Variants in DMD observed in about 807,000 individuals in gnomAD.
DMD encodes dystrophin.
DMD carries 63 observed loss-of-function variants against 330.1 expected under a neutral mutation model. The ratio of observed to expected loss-of-function variants is 0.19; its 90% CI spans 0.16 to 0.24. The LOEUF (loss-of-function observed/expected upper bound fraction) is 0.24, where lower values mean the gene tolerates loss of function less well. Among genes scored for constraint, DMD ranks in the 10% least tolerant of loss-of-function variants. DMD has a pLI of 1.00. For synonymous variants in DMD, 1,223 were observed against 959.8 expected (o/e 1.27, Z -5.07); for missense variants, 3,344 against 2,684.1 (o/e 1.25, Z -5.43).
upstream of DMD, among the ~76,000 whole-genome samples, chrX:33,213,903 T>C (rs576131897): frequency 3.9e-3 from 433 of 111,767 alleles, no homozygotes; most frequent in African/African-American, 0.014. Flanking sequence ...ATTTGCCTCA[T>C]GCTACCCCTT....
At position 31,407,466 on chromosome X, in the gene DMD, CTT is replaced by C. The variant is rs60536358; in HGVS notation, c.9084+37013_9084+37014del. Among the ~76,000 whole-genome samples, 3 of 88,636 alleles carry C rather than the reference CTT, an allele frequency of 3.4e-5. No individual in the cohort carries two copies. The Admixed American group carries it at 3.9e-4, about 11-fold the overall frequency. 77.0% of individuals were successfully genotyped at this position (88,636 alleles called of 115,157 possible). Reference sequence around the variant, plus strand: ...CAGGTGTGAGCCAGCATGCTTGGCCCTTTTTTTTTTTCTTTTTTTTTTTGAGA... The same window carrying C: ...CAGGTGTGAGCCAGCATGCTTGGCCCTTTTTTTTTCTTTTTTTTTTTGAGA... On this transcript the variant is annotated intron_variant, in intron 60 of 78. Transcript: ENST00000357033.
chrX:31,923,843 G>T (rs1452674940), intron 47 of DMD, among the ~76,000 whole-genome samples: 1 of 111,518 alleles, frequency 9.0e-6, no homozygotes, highest in South Asian at 3.7e-4. Context: ...TGATCTGCCC[G>T]CCTGGGCCTC....
At chrX:31,466,392 C>T (rs977463010) in intron 59 of DMD, among the ~76,000 whole-genome samples, 4 of 111,881 alleles carry the variant, frequency 3.6e-5, no homozygotes, top group Admixed American at 1.9e-4. Flanking sequence ...GATGGCTAGC[C>T]GGTTTACCCA....
In DMD at chrX:32,093,987, G is replaced by A. The variant is rs145218126; in HGVS notation, c.6438+122929C>T. Among the ~76,000 whole-genome samples, 847 of 111,030 alleles carry A rather than the reference G, an allele frequency of 7.6e-3. 12 individuals carry two copies. Among genetic ancestry groups the A allele is most frequent in the African/African-American group, 0.026 (813 of 30,741 alleles). On this transcript the variant is annotated intron_variant, in intron 44 of 78. Coordinates refer to ENST00000357033, the MANE Select transcript of DMD (RefSeq NM_004006.3). ...GTTACGGAGAATTATTTTAAGAAATGTAAAAAGGAACCACAATGGTTCTTT... is the reference window on the plus strand; with the variant it reads ...GTTACGGAGAATTATTTTAAGAAATATAAAAAGGAACCACAATGGTTCTTT...
chrX:31,124,712 C>T (rs771221317), intron 78 of DMD, among the ~76,000 whole-genome samples: 21 of 111,955 alleles, frequency 1.9e-4, no homozygotes, highest in African/African-American at 6.5e-4. Context: ...TTCAAGTTGG[C>T]GCTAACTGCA....
At chrX:32,818,682 C>T (rs777205785) in intron 5 of DMD, among the ~76,000 whole-genome samples, 1 of 111,618 alleles carries the variant, frequency 9.0e-6, no homozygotes, top group South Asian at 3.8e-4. Flanking sequence ...CATGGAGGTG[C>T]ACCACCAAGA....
intron 9 of DMD, among the ~76,000 whole-genome samples, chrX:32,647,286 T>A (rs1435292275): frequency 1.8e-5 from 2 of 112,102 alleles, no homozygotes; most frequent in African/African-American, 6.5e-5. Flanking sequence ...GTATCTGTCC[T>A]ATTTGCATAT....
At chrX:32,172,564 T>A (rs768360995) in intron 44 of DMD, among the ~76,000 whole-genome samples, 7 of 111,595 alleles carry the variant, frequency 6.3e-5, no homozygotes, top group African/African-American at 2.3e-4. Flanking sequence ...GTGAAGCCTT[T>A]CTCAAGTCCC....
chrX:32,499,418 T>A (rs2043819644), intron 19 of DMD, among the ~76,000 whole-genome samples: 1 of 111,537 alleles, frequency 9.0e-6, no homozygotes, highest in Non-Finnish European at 1.9e-5. Flanking sequence ...AGTGGCATAA[T>A]AATATGAGTG....
rs1569555290 is a variant in DMD, at chrX:33,112,790, TTAAAG to T, written c.32-92595_32-92591del. Reference sequence around the variant, plus strand: ...AATAAAATATTAACTTATTCAACTGTTAAAGTAAGAATATCGGCCAGGCGCGGTGG... The same window carrying T: ...AATAAAATATTAACTTATTCAACTGTTAAGAATATCGGCCAGGCGCGGTGG... On this transcript the variant is annotated intron_variant, in intron 1 of 78. Transcript: ENST00000357033. Among the ~76,000 whole-genome samples, 3 of 108,861 alleles carry T rather than the reference TTAAAG, an allele frequency of 2.8e-5. No homozygotes were observed. In the East Asian group the frequency reaches 8.9e-4, roughly 32 times the overall value. The allele number at this position is 108,861 out of a possible 115,157, so 94.5% of individuals were successfully genotyped here.
rs750585034 is a variant in DMD, at chrX:32,803,013, T to C, written c.649+6480A>G. On this transcript the variant is annotated intron_variant, in intron 7 of 78. Coordinates refer to ENST00000357033, the MANE Select transcript of DMD (RefSeq NM_004006.3). Reference sequence around the variant, plus strand: ...AGTTAGGGAGGAGTCCTTATTTTTCTATTGTTTGGAATAGTTTCAGAAGGA... The same window carrying C: ...AGTTAGGGAGGAGTCCTTATTTTTCCATTGTTTGGAATAGTTTCAGAAGGA... Among the ~76,000 whole-genome samples, 241 of 111,927 alleles carry C rather than the reference T, an allele frequency of 2.2e-3. 1 individual carries two copies. The highest frequency in any genetic ancestry group is 7.5e-3 in the African/African-American group (230 of 30,807).
chrX:32,012,857 C>T (rs747923942), intron 44 of DMD, among the ~76,000 whole-genome samples: 47 of 111,036 alleles, frequency 4.2e-4, no homozygotes, highest in Admixed American at 1.4e-3. Context: ...TTACAGTCAA[C>T]GTATAGAGTA....
At chrX:32,628,074 A>C (rs749401985) in intron 11 of DMD, among the ~76,000 whole-genome samples, 85 of 108,228 alleles carry the variant, frequency 7.9e-4, no homozygotes, top group African/African-American at 2.7e-3. Flanking sequence ...GTTATTTTAA[A>C]ACGTACAACA....
At chrX:31,456,834 A>G (rs1288003048) in intron 59 of DMD, among the ~76,000 whole-genome samples, 2 of 67,082 alleles carry the variant, frequency 3.0e-5, no homozygotes, top group African/African-American at 6.1e-5. Flanking sequence ...GTGCCCACAT[A>G]TATGTGTGTG....
At chrX:31,522,288 C>T (rs2072837314) in intron 55 of DMD, among the ~76,000 whole-genome samples, 1 of 101,643 alleles carries the variant, frequency 9.8e-6, no homozygotes, top group Non-Finnish European at 2.0e-5. Flanking sequence ...GGGGAAGACC[C>T]ATGGCGGGAA....
intron 9 of DMD, among the ~76,000 whole-genome samples, chrX:32,658,065 C>T (rs903912664): frequency 9.0e-6 from 1 of 111,320 alleles, no homozygotes; most frequent in African/African-American, 3.3e-5. Context: ...CTAGAATGAC[C>T]GTAGTCCATA....
intron 50 of DMD, among the ~76,000 whole-genome samples, chrX:31,800,012 G>A: frequency 8.9e-6 from 1 of 112,697 alleles, no homozygotes; most frequent in East Asian, 2.8e-4. Flanking sequence ...GGCTTTGCAG[G>A]GTACAGCCCC....
chrX:32,782,786 C>T (rs1407255076), intron 7 of DMD, among the ~76,000 whole-genome samples: 1 of 109,353 alleles, frequency 9.1e-6, no homozygotes, highest in East Asian at 2.8e-4. Context: ...AGGATAAATG[C>T]TTGAGGTGAC....
intron 2 of DMD, among the ~76,000 whole-genome samples, chrX:32,923,668 A>C (rs1181001288): frequency 5.3e-5 from 6 of 112,285 alleles, no homozygotes; most frequent in Non-Finnish European, 1.1e-4. Context: ...TAGTGATTAC[A>C]TAAAAAAATG....
Sources: allele counts gnomAD v4.1 joint callset (sites outside exome capture counted in the v4.1 genomes callset), GRCh38; gene constraint gnomAD v4.1.1; transcripts MANE v1.5; gene names NCBI Gene and HGNC (gene_info 2026-07-23, HGNC 2026-07-21).